Variants in CLOCK observed in about 807,000 individuals in gnomAD.
The protein encoded by CLOCK is circadian locomoter output cycles protein kaput.
CLOCK carries 43 observed loss-of-function variants against 118.4 expected under a neutral mutation model. The observed-to-expected ratio is 0.36, with a 90% CI of 0.28 to 0.47. CLOCK has a LOEUF of 0.47. Among genes scored for constraint, CLOCK ranks in the 20% least tolerant of loss-of-function variants. The pLI is 1.00. For missense variants in CLOCK, 846 were observed against 999.9 expected (o/e 0.85, Z 2.08); for synonymous variants, 326 against 339.2 (o/e 0.96, Z 0.43).
intron 3 of CLOCK, among the ~76,000 whole-genome samples, chr4:55,489,001 A>G (rs1727490268): frequency 6.6e-6 from 1 of 152,200 alleles, no homozygotes; most frequent in Non-Finnish European, 1.5e-5. Context: ...CCAAACTGCT[A>G]GGATTACAGG....
chr4:55,511,769 C>T (rs528645558), intron 1 of CLOCK, among the ~76,000 whole-genome samples: 85 of 152,234 alleles, frequency 5.6e-4, no homozygotes, highest in Middle Eastern at 3.4e-3. Context: ...ATGCATCCCT[C>T]CCCTCACTAA....
intron 1 of CLOCK, among the ~76,000 whole-genome samples, chr4:55,539,764 AGAGAT>A (rs544369423): frequency 9.7e-4 from 147 of 152,258 alleles, no homozygotes; most frequent in African/African-American, 3.5e-3. Context: ...ATTATTACAC[AGAGAT>A]GAGAATGTTA....
At chr4:55,471,125 G>A (rs2109856886) in intron 7 of CLOCK, among the ~76,000 whole-genome samples, 1 of 152,298 alleles carries the variant, frequency 6.6e-6, no homozygotes, top group South Asian at 2.1e-4. Flanking sequence ...CTTATTTGAA[G>A]ATGCTAATGT....
At chr4:55,438,892 T>C (rs1723118285) in intron 21 of CLOCK, among the ~76,000 whole-genome samples, 1 of 151,906 alleles carries the variant, frequency 6.6e-6, no homozygotes, top group South Asian at 2.1e-4. Flanking sequence ...GAAGAAAACA[T>C]AGGGGAAAAG....
chr4:55,457,888 G>A (rs1725027404), intron 11 of CLOCK, among the ~76,000 whole-genome samples: 1 of 152,092 alleles, frequency 6.6e-6, no homozygotes, highest in African/African-American at 2.4e-5. Flanking sequence ...TGTAAAATGA[G>A]GGATCGTAAT....
chr4:55,462,228 G>T (rs1461181114), intron 9 of CLOCK, among the ~76,000 whole-genome samples: 2 of 152,092 alleles, frequency 1.3e-5, no homozygotes, highest in South Asian at 2.1e-4. Context: ...TTCTTAGTAG[G>T]GTCTTCAAAG....
intron 4 of CLOCK, among the ~76,000 whole-genome samples, chr4:55,481,154 T>C (rs372949020): frequency 6.6e-6 from 1 of 152,186 alleles, no homozygotes; most frequent in African/African-American, 2.4e-5. Context: ...AGCCACACCT[T>C]TCTATGGCCT....
chr4:55,452,885 T>C, intron 15 of CLOCK, 169 bp downstream of exon 15: 2 of 527,254 alleles, frequency 3.8e-6, no homozygotes, highest in South Asian at 5.2e-5. Flanking sequence ...TAGAGGCAGG[T>C]GAGACTCTAA....
At position 55,430,851 on chromosome 4, in the gene CLOCK, T is replaced by G. The variant is rs1192978148; in HGVS notation, c.*4564A>C. 2.0e-5 allele frequency: 3 copies of G among 152,202 alleles called. No individual in the cohort carries two copies. The East Asian group carries it at 5.8e-4, about 29-fold the overall frequency. The allele number at this position is 152,202 out of a possible 1,614,324, so 9.4% of individuals were successfully genotyped here. On this transcript the variant is annotated 3_prime_UTR_variant, in exon 23 of 23. Transcript: ENST00000513440. ...TTTGGTGTCCACACAATAGGCAAGATAGGTTTACAATAGTGTTTAAATCAA... is the reference window on the plus strand; with the variant it reads ...TTTGGTGTCCACACAATAGGCAAGAGAGGTTTACAATAGTGTTTAAATCAA...
At chr4:55,486,466 A>G (rs1229136085) in intron 3 of CLOCK, 1 of 152,172 alleles carries the variant, frequency 6.6e-6, no homozygotes, top group African/African-American at 2.4e-5. Flanking sequence ...TAGTTAGGTC[A>G]TATTCCCTGT....
intron 21 of CLOCK, among the ~76,000 whole-genome samples, chr4:55,440,433 A>G (rs921739551): frequency 6.6e-6 from 1 of 152,206 alleles, no homozygotes; most frequent in Non-Finnish European, 1.5e-5. Context: ...GATGAAGTTT[A>G]TAACATTGGT....
At chr4:55,500,039 T>A (rs1348458450) in intron 2 of CLOCK, among the ~76,000 whole-genome samples, 4 of 152,142 alleles carry the variant, frequency 2.6e-5, no homozygotes, top group Non-Finnish European at 4.4e-5. Flanking sequence ...GGAGATGGTC[T>A]CAGGGCACAG....
At chr4:55,475,134 A>G (rs1291944632) in intron 7 of CLOCK, among the ~76,000 whole-genome samples, 1 of 152,178 alleles carries the variant, frequency 6.6e-6, no homozygotes, top group Non-Finnish European at 1.5e-5. Flanking sequence ...GAAGGTCAAA[A>G]TATCAACATT....
intron 19 of CLOCK, 99 bp downstream of exon 19, chr4:55,444,534 G>A (rs764025222): frequency 5.8e-5 from 80 of 1,378,772 alleles, no homozygotes; most frequent in Non-Finnish European, 6.0e-5. Context: ...TTGATAAAAC[G>A]TATCTCTTGC....
At chr4:55,542,725 G>A (rs1731364089) in intron 1 of CLOCK, among the ~76,000 whole-genome samples, 1 of 152,014 alleles carries the variant, frequency 6.6e-6, no homozygotes, top group Non-Finnish European at 1.5e-5. Context: ...TTTTATCCAA[G>A]TCAGTATCAG....
In CLOCK at chr4:55,509,355, A is replaced by G. The variant is rs547404701; in HGVS notation, c.-136+557T>C. On this transcript the variant is annotated intron_variant, in intron 2 of 22. Coordinates refer to ENST00000513440, the MANE Select transcript of CLOCK (RefSeq NM_004898.4). ...TCATAAACACTAAAAATTAAATTTC[A>G]TATAACTTTCACGTGTCACAAGTTA... 3.5e-4 allele frequency among the ~76,000 whole-genome samples: 54 copies of G among 152,380 alleles called. 1 individual carries two copies. Among genetic ancestry groups the G allele is most frequent in the African/African-American group, 1.3e-3 (53 of 41,590 alleles).
intron 18 of CLOCK, among the ~76,000 whole-genome samples, chr4:55,447,266 C>CTT (rs1281401181): frequency 1.3e-5 from 2 of 152,012 alleles, no homozygotes; most frequent in Admixed American, 1.3e-4. Context: ...ACTCGGGAGA[C>CTT]TGAGGCGGGA....
chr4:55,520,772 T>C (rs1274914720), intron 1 of CLOCK, among the ~76,000 whole-genome samples: 1 of 152,186 alleles, frequency 6.6e-6, no homozygotes, highest in Non-Finnish European at 1.5e-5. Context: ...CTGGAATTAA[T>C]CTTCATAAAT....
chr4:55,449,532 T>C (rs755017044), intron 16 of CLOCK, 36 bp from the exon 17 acceptor site: 3 of 1,496,180 alleles, frequency 2.0e-6, no homozygotes, highest in Non-Finnish European at 9.3e-7. Flanking sequence ...ATTAGTACTT[T>C]ATAAAATATA....
Sources: gnomAD v4.1 joint callset for allele counts (sites outside exome capture counted in the v4.1 genomes callset) on GRCh38, gnomAD v4.1.1 for gene constraint, MANE v1.5 for transcripts, NCBI Gene and HGNC (gene_info 2026-07-23, HGNC 2026-07-21) for gene names.